The following DIS3L2 variants were observed in gnomAD, a reference collection of about 807,000 sequenced individuals.
The protein encoded by DIS3L2 is DIS3-like exonuclease 2.
DIS3L2 carries 34 observed loss-of-function variants against 97.5 expected under a neutral mutation model. The observed-to-expected ratio is 0.35, with a 90% CI of 0.27 to 0.46. The LOEUF is 0.46. Among genes scored for constraint, DIS3L2 ranks in the 20% least tolerant of loss-of-function variants. The pLI, the probability that DIS3L2 is intolerant of heterozygous loss-of-function variation, is 1.00. For synonymous variants in DIS3L2, 435 were observed against 445.2 expected, an observed-to-expected ratio of 0.98 and a Z score of 0.29; for missense variants, 1,038 against 1,146.0, an observed-to-expected ratio of 0.91 and a Z score of 1.36.
chr2:232,343,418 AG>A lies in DIS3L2; in HGVS notation c.1656del (p.Gln552HisfsTer41). 6.4e-7 allele frequency: 1 copy of A among 1,556,104 alleles called. No homozygotes were observed. On this transcript the variant is annotated frameshift_variant, in exon 14 of 14. Coordinates refer to the DIS3L2 transcript ENST00000273009. LOFTEE classifies it high-confidence loss of function. ...CCCTCTGCTGAAGATGCAGAAGCAC[AG>A]CCCTCCACAGAGGAACGCCTGCCTG...
chr2:232,101,944 C>G lies in DIS3L2; in HGVS notation c.601+14223C>G, dbSNP rs959794129. On this transcript the variant is annotated intron_variant, in intron 6 of 20. Coordinates refer to ENST00000325385, the MANE Select transcript of DIS3L2 (RefSeq NM_152383.5). ...GGGGACCAAGATATTCACATGGACT[C>G]AAAGTATCATGCCACAGTTGACTTA... is the stretch of plus-strand genomic sequence containing the variant. Among the ~76,000 whole-genome samples, 3 of 152,210 alleles carry G rather than the reference C, an allele frequency of 2.0e-5. No individual in the cohort carries two copies. The East Asian group carries it at 5.8e-4, about 29-fold the overall frequency.
intron 6 of DIS3L2, among the ~76,000 whole-genome samples, chr2:232,113,075 T>G (rs1697588152): frequency 1.3e-5 from 2 of 152,112 alleles, no homozygotes; most frequent in Admixed American, 1.3e-4. Flanking sequence ...CTCTGGATTG[T>G]GAAGAGTCAT....
At chr2:232,059,592 A>G (rs533481764) in intron 5 of DIS3L2, among the ~76,000 whole-genome samples, 3 of 152,302 alleles carry the variant, frequency 2.0e-5, no homozygotes, top group Admixed American at 2.0e-4. Context: ...TCACCCAAGT[A>G]TTGAACATAG....
intron 9 of DIS3L2, among the ~76,000 whole-genome samples, chr2:232,167,443 T>C (rs1251767916): frequency 3.3e-5 from 5 of 152,332 alleles, no homozygotes; most frequent in African/African-American, 1.2e-4. Context: ...AAAATTTTAC[T>C]TTAACAACTA....
chr2:232,122,832 A>G (rs182593411), intron 6 of DIS3L2, among the ~76,000 whole-genome samples: 3 of 152,364 alleles, frequency 2.0e-5, no homozygotes, highest in East Asian at 3.8e-4. Flanking sequence ...ACATGTAAAC[A>G]TAACTCATAT....
At chr2:232,277,516 TTAC>T (rs1694170962) in intron 13 of DIS3L2, among the ~76,000 whole-genome samples, 1 of 152,208 alleles carries the variant, frequency 6.6e-6, no homozygotes, top group African/African-American at 2.4e-5. Flanking sequence ...TTTCTCTTTC[TTAC>T]TACCTTTTAT....
chr2:232,214,904 C>G (rs1319122500), intron 10 of DIS3L2, among the ~76,000 whole-genome samples: 2 of 152,216 alleles, frequency 1.3e-5, no homozygotes, highest in African/African-American at 4.8e-5. Context: ...GTTGTATTCT[C>G]TAACATGTAC....
intron 13 of DIS3L2, among the ~76,000 whole-genome samples, chr2:232,266,837 T>C (rs541254473): frequency 6.6e-6 from 1 of 152,346 alleles, no homozygotes; most frequent in African/African-American, 2.4e-5. Flanking sequence ...CCATTTAAGC[T>C]AGCCTCAATT....
chr2:232,252,001 A>AG (rs11455104), intron 12 of DIS3L2, among the ~76,000 whole-genome samples: 146,347 of 152,320 alleles, frequency 0.96, 70,370 homozygotes, highest in Middle Eastern at 1. Context: ...AATCCAATAC[A>AG]GAAAGAAGTG....
At chr2:232,253,805 G>C (rs1451771872) in intron 12 of DIS3L2, among the ~76,000 whole-genome samples, 3 of 152,168 alleles carry the variant, frequency 2.0e-5, no homozygotes, top group Non-Finnish European at 4.4e-5. Context: ...TCTTTTAAAA[G>C]AGGTAAAAGT....
chr2:232,298,446 T>A (rs1694773478), intron 13 of DIS3L2, among the ~76,000 whole-genome samples: 1 of 152,220 alleles, frequency 6.6e-6, no homozygotes, highest in African/African-American at 2.4e-5. Context: ...AAAATTATGT[T>A]TTACTTCACA....
At chr2:231,989,339 TTGTGTGTG>T (rs59088969) in intron 1 of DIS3L2, among the ~76,000 whole-genome samples, 302 of 146,802 alleles carry the variant, frequency 2.1e-3, no homozygotes, top group East Asian at 1.0e-2. Flanking sequence ...GTCAGTATAA[TTGTGTGTG>T]TGTGTGTGTG....
chr2:232,262,907 G>A (rs1256684641), intron 12 of DIS3L2, among the ~76,000 whole-genome samples: 1 of 152,032 alleles, frequency 6.6e-6, no homozygotes. Context: ...CCCACTCACC[G>A]AAACTAATGA....
At chr2:232,329,787 C>CCGGGGGGGGCA in intron 14 of DIS3L2, 26 bp from the exon 15 acceptor site, 1 of 1,062,210 alleles carries the variant, frequency 9.4e-7, no homozygotes. Flanking sequence ...CCCAGCGGTC[C>CCGGGGGGGGCA]CTCCCATCCC....
intron 8 of DIS3L2, among the ~76,000 whole-genome samples, chr2:232,142,210 G>A (rs967929946): frequency 2.6e-5 from 4 of 152,122 alleles, no homozygotes; most frequent in Admixed American, 6.6e-5. Flanking sequence ...AGCAAATCAG[G>A]CTGAGGAGGG....
rs371095624 is a variant in DIS3L2, at chr2:232,136,498, T to A, written c.729T>A (p.His243Gln). Residue 243 changes from histidine to glutamine, a missense_variant, in exon 8 of 21, where the codon CAT becomes CAA. By Grantham distance (24) the His-to-Gln change is conservative (BLOSUM62 0). Around this residue, in one of 3 missense-constraint regions of DIS3L2, gnomAD observed 813 missense variants for 880.1 expected, o/e 0.92. Transcript: ENST00000325385. ...AKVVYILEKK[H>Q]SRAATGFLKL... ...TGGTTTACATCTTGGAGAAAAAACA[T>A]TCTCGAGCAGCAACCGGCTTCCTCA... 6.2e-7 allele frequency: 1 copy of A among 1,614,008 alleles called. No homozygotes were observed. Among genetic ancestry groups the A allele is most frequent in the African/African-American group, 1.3e-5 (1 of 75,028 alleles).
chr2:232,088,730 A>G (rs1696744465), intron 6 of DIS3L2, among the ~76,000 whole-genome samples: 1 of 152,190 alleles, frequency 6.6e-6, no homozygotes, highest in African/African-American at 2.4e-5. Flanking sequence ...GAAAAAAAGC[A>G]GTTGTAAACA....
intron 6 of DIS3L2, among the ~76,000 whole-genome samples, chr2:232,123,975 G>A (rs1030478520): frequency 6.6e-6 from 1 of 152,140 alleles, no homozygotes; most frequent in Non-Finnish European, 1.5e-5. Flanking sequence ...GCAAAATCAA[G>A]TGGAAATTCT....
intron 7 of DIS3L2, among the ~76,000 whole-genome samples, chr2:232,134,907 G>A (rs1411161750): frequency 1.3e-5 from 2 of 152,156 alleles, no homozygotes; most frequent in Non-Finnish European, 2.9e-5. Flanking sequence ...TCTGGGAAGG[G>A]AGGAAAGGAT....
Sources: gnomAD v4.1 joint callset for allele counts (sites outside exome capture counted in the v4.1 genomes callset) on GRCh38, gnomAD v4.1.1 for gene constraint, gnomAD v4.1.1 regional missense constraint, MANE v1.5 for transcripts, NCBI Gene and HGNC (gene_info 2026-07-23, HGNC 2026-07-21) for gene names.